ADAMTSL1: variants seen among roughly 807,000 people sequenced by gnomAD.
ADAMTSL1 encodes ADAMTS like 1.
Under a neutral mutation model 201.8 loss-of-function variants are expected in ADAMTSL1, and 126 were observed. The ratio of observed to expected loss-of-function variants is 0.62; its 90% CI spans 0.54 to 0.72. The LOEUF is 0.72. Ranked by LOEUF, ADAMTSL1 falls within the 30% of genes least tolerant of loss-of-function variation. ADAMTSL1 has a pLI of 0.00. For synonymous variants in ADAMTSL1, 1,121 were observed against 903.4 expected (o/e 1.24, Z -4.32); for missense variants, 2,679 against 2,277.8 (o/e 1.18, Z -3.59).
At chr9:18,860,710 A>T (rs1294224374) in intron 23 of ADAMTSL1, among the ~76,000 whole-genome samples, 1 of 152,112 alleles carries the variant, frequency 6.6e-6, no homozygotes, top group Non-Finnish European at 1.5e-5. Flanking sequence ...AGGGGAAAAA[A>T]TCTCATTACT....
intron 1 of ADAMTSL1, among the ~76,000 whole-genome samples, chr9:17,995,839 A>G (rs1419202312): frequency 6.6e-6 from 1 of 151,554 alleles, no homozygotes; most frequent in African/African-American, 2.4e-5. Flanking sequence ...TAGAGGATCC[A>G]GGTTCAAATC....
At chr9:18,355,624 A>G (rs1836185573) in intron 2 of ADAMTSL1, among the ~76,000 whole-genome samples, 1 of 152,224 alleles carries the variant, frequency 6.6e-6, no homozygotes, top group Admixed American at 6.5e-5. Flanking sequence ...CCCAAAGGGA[A>G]TGTTAAAAGG....
At chr9:18,324,272 A>G (rs1198787391) in intron 2 of ADAMTSL1, among the ~76,000 whole-genome samples, 1 of 152,198 alleles carries the variant, frequency 6.6e-6, no homozygotes, top group Non-Finnish European at 1.5e-5. Flanking sequence ...AAAAATGAAC[A>G]TTGATCACTA....
chr9:18,733,815 C>T (rs746441961), intron 15 of ADAMTSL1, among the ~76,000 whole-genome samples: 1 of 152,002 alleles, frequency 6.6e-6, no homozygotes, highest in African/African-American at 2.4e-5. Flanking sequence ...TTTGACTACC[C>T]AAATTCCCAG....
intron 7 of ADAMTSL1, among the ~76,000 whole-genome samples, chr9:18,641,383 C>T (rs971233151): frequency 1.3e-5 from 2 of 152,170 alleles, no homozygotes; most frequent in South Asian, 2.1e-4. Context: ...TGCCACACAA[C>T]AATTGTTTAA....
In ADAMTSL1 at chr9:18,019,833, T is replaced by C. The variant is rs192860091; in HGVS notation, c.87+112911T>C. Among the ~76,000 whole-genome samples, 7 of 152,126 alleles carry C rather than the reference T, an allele frequency of 4.6e-5. No homozygotes were observed. The East Asian group carries it at 1.2e-3, about 25-fold the overall frequency. On this transcript the variant is annotated intron_variant, in intron 1 of 29. Transcript: ENST00000680146. ...CATTATAAAAAGAAAAGATGACTTA[T>C]AGAGTAGAGTCCAAAGCCTGGAGGG...
intron 13 of ADAMTSL1, among the ~76,000 whole-genome samples, chr9:18,696,322 G>A (rs1831546669): frequency 6.6e-6 from 1 of 152,218 alleles, no homozygotes; most frequent in African/African-American, 2.4e-5. Flanking sequence ...CCAGAATCTT[G>A]AGTCAGGAAA....
intron 23 of ADAMTSL1, among the ~76,000 whole-genome samples, chr9:18,835,197 A>G (rs1290599556): frequency 6.6e-6 from 1 of 152,006 alleles, no homozygotes; most frequent in African/African-American, 2.4e-5. Context: ...TGTGGTTTTA[A>G]TTTGCATTCC....
chr9:18,699,908 G>T (rs1288099462), intron 13 of ADAMTSL1, among the ~76,000 whole-genome samples: 1 of 152,184 alleles, frequency 6.6e-6, no homozygotes, highest in African/African-American at 2.4e-5. Context: ...GAGGAGTGAT[G>T]TCCTAGAACC....
At chr9:17,960,052 A>G (rs1447541312) in intron 1 of ADAMTSL1, among the ~76,000 whole-genome samples, 1 of 152,106 alleles carries the variant, frequency 6.6e-6, no homozygotes, top group Non-Finnish European at 1.5e-5. Context: ...TCTTACCAAC[A>G]CTGATGATCT....
chr9:18,678,195 T>C (rs1298119868), intron 10 of ADAMTSL1, among the ~76,000 whole-genome samples: 3 of 152,078 alleles, frequency 2.0e-5, no homozygotes, highest in Non-Finnish European at 4.4e-5. Context: ...TTAAACACAC[T>C]CTGTGTTTAA....
intron 1 of ADAMTSL1, among the ~76,000 whole-genome samples, chr9:18,105,004 A>T (rs1380385945): frequency 6.6e-6 from 1 of 152,172 alleles, no homozygotes; most frequent in African/African-American, 2.4e-5. Context: ...TTTAAGGAAG[A>T]GGTCAAGGCC....
At chr9:17,942,852 C>T (rs1827297771) in intron 1 of ADAMTSL1, among the ~76,000 whole-genome samples, 1 of 152,172 alleles carries the variant, frequency 6.6e-6, no homozygotes, top group Admixed American at 6.5e-5. Flanking sequence ...GGGAATATTT[C>T]AGTATTTTAA....
Position 18,625,965 on chromosome 9 carries a change from A to T in ADAMTSL1, c.601+3596A>T, listed in dbSNP as rs539340939. On this transcript the variant is annotated intron_variant, in intron 5 of 28. Coordinates refer to ENST00000380548, the MANE Select transcript of ADAMTSL1 (RefSeq NM_001040272.6). The stretch of plus-strand genomic sequence containing the variant: ...TGGGTAAACATATTCTTGGACTATC[A>T]TTCTAGCTCAAAGATTTTGAGGTAA... Among the ~76,000 whole-genome samples the T allele has an allele frequency of 4.4e-3, 672 of 152,322 alleles. 5 individuals carry two copies. Among genetic ancestry groups the T allele is most frequent in the Non-Finnish European group, 7.7e-3 (521 of 68,020 alleles).
intron 2 of ADAMTSL1, among the ~76,000 whole-genome samples, chr9:18,278,350 C>A (rs564007485): frequency 6.6e-6 from 1 of 152,282 alleles, no homozygotes; most frequent in Non-Finnish European, 1.5e-5. Context: ...AGGTAATGAA[C>A]TTCCACAGCT....
intron 2 of ADAMTSL1, among the ~76,000 whole-genome samples, chr9:18,239,007 G>A (rs982365086): frequency 3.3e-5 from 5 of 152,158 alleles, no homozygotes; most frequent in African/African-American, 9.7e-5. Context: ...ACACTATACT[G>A]TAATCTATTA....
At chr9:18,038,384 A>G (rs1283715760) in intron 1 of ADAMTSL1, among the ~76,000 whole-genome samples, 1 of 152,164 alleles carries the variant, frequency 6.6e-6, no homozygotes, top group Non-Finnish European at 1.5e-5. Flanking sequence ...CCTGCCAGCA[A>G]GTCAATTAAT....
chr9:18,799,381 A>G (rs1328977730), intron 20 of ADAMTSL1, among the ~76,000 whole-genome samples: 2 of 152,216 alleles, frequency 1.3e-5, no homozygotes, highest in Admixed American at 6.5e-5. Context: ...CATCTTGCTC[A>G]GAAATCTTCC....
chr9:18,159,855 T>C (rs1813120287), intron 1 of ADAMTSL1, among the ~76,000 whole-genome samples: 1 of 152,042 alleles, frequency 6.6e-6, no homozygotes, highest in African/African-American at 2.4e-5. Context: ...ATAGTTTGAG[T>C]TTCTGACTGC....
Sources: allele counts gnomAD v4.1 joint callset (sites outside exome capture counted in the v4.1 genomes callset), GRCh38; gene constraint gnomAD v4.1.1; transcripts MANE v1.5; gene names NCBI Gene and HGNC (gene_info 2026-07-23, HGNC 2026-07-21).